TTC6: variants seen among roughly 807,000 people sequenced by gnomAD.
TTC6 encodes the protein tetratricopeptide repeat protein 6.
In TTC6, 172 loss-of-function variants were observed where a neutral mutation model predicts 210.4. That is an observed-to-expected ratio of 0.82 (90% CI 0.72 to 0.93). The LOEUF (loss-of-function observed/expected upper bound fraction) is 0.93, where lower values mean the gene tolerates loss of function less well. Among genes scored for constraint, TTC6 ranks in the 40% least tolerant of loss-of-function variants. The pLI, the probability that TTC6 is intolerant of heterozygous loss-of-function variation, is 0.00. For synonymous variants in TTC6, 804 were observed against 819.6 expected, an observed-to-expected ratio of 0.98 and a Z score of 0.32; for missense variants, 2,414 against 2,318.1, an observed-to-expected ratio of 1.04 and a Z score of -0.85.
chr14:37,607,725 C>A (rs1313862625), intron 2 of TTC6, among the ~76,000 whole-genome samples: 2 of 151,498 alleles, frequency 1.3e-5, no homozygotes, highest in African/African-American at 2.4e-5. Context: ...GACTCCTGGG[C>A]TCCAACAATC....
At chr14:37,696,944 TA>T (rs1340173888) in intron 4 of TTC6, 109 bp downstream of exon 6, 1 of 475,390 alleles carries the variant, frequency 2.1e-6, no homozygotes, top group East Asian at 3.6e-5. Flanking sequence ...TAGAAATTCA[TA>T]TATGAGACCT....
At chr14:37,599,578 G>C (rs908592089) in intron 1 of TTC6, among the ~76,000 whole-genome samples, 2 of 152,296 alleles carry the variant, frequency 1.3e-5, no homozygotes, top group South Asian at 4.1e-4. Flanking sequence ...CTCCGGGCGC[G>C]GACCTAGCTC....
chr14:37,696,863 T>C, intron 4 of TTC6, 28 bp downstream of exon 6: 1 of 1,070,162 alleles, frequency 9.3e-7, no homozygotes, highest in Non-Finnish European at 1.3e-6. Flanking sequence ...ATAATTTTTC[T>C]ATTGGGAGAG....
chr14:37,664,185 A>G (rs779906886), intron 1 of TTC6, among the ~76,000 whole-genome samples: 1 of 150,726 alleles, frequency 6.6e-6, no homozygotes, highest in Admixed American at 6.6e-5. Flanking sequence ...AAAAGAGCCC[A>G]TGTAGCCAAG....
chr14:37,808,575 T>C (rs2096123328), intron 23 of TTC6, among the ~76,000 whole-genome samples, 158 bp from the exon 26 acceptor site: 3 of 152,346 alleles, frequency 2.0e-5, no homozygotes, highest in South Asian at 2.1e-4. Context: ...TAATTAACTC[T>C]GTGAAAGATT....
intron 10 of TTC6, 135 bp from the exon 13 acceptor site, chr14:37,748,804 G>A: frequency 1.6e-6 from 1 of 642,880 alleles, no homozygotes; most frequent in Non-Finnish European, 2.5e-6. Flanking sequence ...ATGAAAAGGA[G>A]AACTTGCGCA....
chr14:37,762,451 A>G (rs1435571949), intron 14 of TTC6, among the ~76,000 whole-genome samples: 3 of 152,226 alleles, frequency 2.0e-5, no homozygotes, highest in South Asian at 2.1e-4. Context: ...ACAGTGTACA[A>G]GAGTTCCCTT....
chr14:37,840,425 G>C (rs906466807), intron 29 of TTC6, among the ~76,000 whole-genome samples: 1 of 152,120 alleles, frequency 6.6e-6, no homozygotes, highest in Non-Finnish European at 1.5e-5. Flanking sequence ...AGAGGAGCTG[G>C]TACCATTCCT....
chr14:37,739,029 A>G, exon 10 of TTC6: 1 of 1,535,600 alleles, frequency 6.5e-7, no homozygotes, highest in East Asian at 2.4e-5. Flanking sequence ...GAAGCGTCTA[A>G]AAAAGCTGGC....
rs551913461 is a variant in TTC6 at position 37,731,548 on chromosome 14, T to C, written c.1819-4373T>C. Among the ~76,000 whole-genome samples, 3 of 152,054 alleles carry C rather than the reference T, an allele frequency of 2.0e-5. No homozygotes were observed. In the South Asian group the frequency reaches 6.2e-4, roughly 32 times the overall value. On this transcript the variant is annotated intron_variant, in intron 7 of 30. Transcript: ENST00000553443. ...AATCTGCCACTGTGGTGTAGATTTG[T>C]CTATATTTTCCTGTAATAGTGTCAA...
At chr14:37,798,604 G>A (rs1175125724) in intron 20 of TTC6, among the ~76,000 whole-genome samples, 1 of 150,702 alleles carries the variant, frequency 6.6e-6, no homozygotes. Flanking sequence ...TCTTATTCTT[G>A]TCTAACTGTG....
chr14:37,824,528 C>T (rs903954048), intron 27 of TTC6, among the ~76,000 whole-genome samples: 4 of 152,092 alleles, frequency 2.6e-5, no homozygotes, highest in African/African-American at 7.2e-5. Flanking sequence ...AAATGTAGAA[C>T]GGAAACTGCT....
At chr14:37,743,372 T>C (rs1239514903) in intron 10 of TTC6, among the ~76,000 whole-genome samples, 1 of 152,222 alleles carries the variant, frequency 6.6e-6, no homozygotes, top group Non-Finnish European at 1.5e-5. Flanking sequence ...CCTTTTTACA[T>C]CCTTCTAGAA....
At chr14:37,759,284 GA>G (rs941687395) in intron 14 of TTC6, among the ~76,000 whole-genome samples, 9 of 150,832 alleles carry the variant, frequency 6.0e-5, no homozygotes, top group Non-Finnish European at 1.0e-4. Context: ...AAGAAAAAAA[GA>G]AAAAAAAGAA....
rs544039152 is a variant in TTC6 at position 37,746,650 on chromosome 14, T to A, written c.2364-2289T>A. Reference sequence around the variant, plus strand: ...AGCCACCAACCCAAGGTCACCTCCATGGAGGAGATATGTGGGAGGCTGAGG... The same window carrying A: ...AGCCACCAACCCAAGGTCACCTCCAAGGAGGAGATATGTGGGAGGCTGAGG... On this transcript the variant is annotated intron_variant, in intron 10 of 30. Transcript: ENST00000553443. Among the ~76,000 whole-genome samples the A allele has an allele frequency of 2.6e-5, 4 of 152,238 alleles. No homozygotes were observed. In the East Asian group the frequency reaches 7.7e-4, roughly 29 times the overall value.
At chr14:37,786,415 C>T (rs2096067801) in intron 14 of TTC6, among the ~76,000 whole-genome samples, 1 of 152,210 alleles carries the variant, frequency 6.6e-6, no homozygotes, top group Non-Finnish European at 1.5e-5. Flanking sequence ...GGGCGTGGGA[C>T]CCTCCAAGCC....
At chr14:37,737,082 C>A (rs920824419) in intron 8 of TTC6, among the ~76,000 whole-genome samples, 2 of 152,058 alleles carry the variant, frequency 1.3e-5, no homozygotes, top group Non-Finnish European at 2.9e-5. Context: ...TTGCTGTTTG[C>A]ATCATTATTG....
intron 3 of TTC6, among the ~76,000 whole-genome samples, chr14:37,694,945 G>A (rs2095811773): frequency 6.6e-6 from 1 of 151,180 alleles, no homozygotes; most frequent in Non-Finnish European, 1.5e-5. Context: ...GGATGCTGAG[G>A]TAAGAGGATC....
At chr14:37,671,737 C>T (rs768138928) in intron 1 of TTC6, among the ~76,000 whole-genome samples, 2 of 152,046 alleles carry the variant, frequency 1.3e-5, no homozygotes, top group Admixed American at 6.6e-5. Context: ...CATCTTTAAC[C>T]GTAATCTCAC....
Sources: allele counts gnomAD v4.1 joint callset (sites outside exome capture counted in the v4.1 genomes callset), GRCh38; gene constraint gnomAD v4.1.1; transcripts MANE v1.5; gene names NCBI Gene and HGNC (gene_info 2026-07-23, HGNC 2026-07-21).